OIT3: variants seen among roughly 807,000 people sequenced by gnomAD.
The protein encoded by OIT3 is oncoprotein-induced transcript 3 protein.
Under a neutral mutation model 52.2 loss-of-function variants are expected in OIT3, and 41 were observed. The ratio of observed to expected loss-of-function variants is 0.79; its 90% confidence interval spans 0.61 to 1.02. The LOEUF (loss-of-function observed/expected upper bound fraction) is 1.02, where lower values mean the gene tolerates loss of function less well. Ranked by LOEUF, OIT3 falls within the 50% of genes least tolerant of loss-of-function variation. The pLI, the probability that OIT3 is intolerant of heterozygous loss-of-function variation, is 0.00. For missense variants in OIT3, 634 were observed against 715.5 expected, an observed-to-expected ratio of 0.89 and a Z score of 1.30; for synonymous variants, 244 against 276.9, an observed-to-expected ratio of 0.88 and a Z score of 1.18.
At chr10:72,911,928 AG>A in intron 5 of OIT3, 89 bp downstream of exon 5, 1 of 1,235,304 alleles carries the variant, frequency 8.1e-7, no homozygotes, top group Non-Finnish European at 1.1e-6. Context: ...CAAGTGTGTC[AG>A]GGTTCTCATC....
chr10:72,898,540 C>A, intron 1 of OIT3, 124 bp from the exon 2 acceptor site: 3 of 878,666 alleles, frequency 3.4e-6, no homozygotes, highest in South Asian at 3.5e-5. Flanking sequence ...TTTTTTGTGA[C>A]CTTAACTAAT....
intron 3 of OIT3, among the ~76,000 whole-genome samples, chr10:72,904,944 T>A (rs979778718): frequency 6.6e-5 from 10 of 152,150 alleles, no homozygotes; most frequent in African/African-American, 2.4e-4. Context: ...CTCAGGCTGC[T>A]CCCACTCATG....
chr10:72,922,720 C>G (rs1194947556), intron 6 of OIT3, among the ~76,000 whole-genome samples: 1 of 152,128 alleles, frequency 6.6e-6, no homozygotes, highest in East Asian at 1.9e-4. Context: ...ATTCCAAACC[C>G]TTGCTGGAGT....
chr10:72,931,359 C>G (rs917396434), intron 8 of OIT3, among the ~76,000 whole-genome samples: 1 of 152,118 alleles, frequency 6.6e-6, no homozygotes, highest in Non-Finnish European at 1.5e-5. Context: ...GGCATAGTGG[C>G]ACACACCTGT....
intron 1 of OIT3, among the ~76,000 whole-genome samples, chr10:72,896,535 C>G (rs1167820468): frequency 6.6e-6 from 1 of 152,196 alleles, no homozygotes; most frequent in Non-Finnish European, 1.5e-5. Context: ...AATGCAATAT[C>G]CCACTTATTT....
At chr10:72,913,818 T>C in intron 6 of OIT3, 1 of 375,260 alleles carries the variant, frequency 2.7e-6, no homozygotes, top group Non-Finnish European at 5.3e-6. Flanking sequence ...TGGTGGTTCA[T>C]TTGTGGTGCA....
intron 7 of OIT3, among the ~76,000 whole-genome samples, chr10:72,926,694 G>A (rs1347107228): frequency 6.6e-6 from 1 of 152,150 alleles, no homozygotes; most frequent in Admixed American, 6.5e-5. Context: ...CCGTAGCAAA[G>A]GGCATCTGCA....
Position 72,913,347 on chromosome 10 carries a change from T to A in OIT3, c.830T>A (p.Ile277Asn). 1.2e-6 allele frequency: 2 copies of A among 1,613,292 alleles called. No individual in the cohort carries two copies. The highest frequency in any genetic ancestry group is 1.7e-6 in the Non-Finnish European group (2 of 1,179,350). Residue 277 changes from isoleucine to asparagine, a missense_variant, in exon 6 of 9, where the codon ATC (isoleucine) becomes AAC (asparagine). Transcript: ENST00000334011. ...AAATCAAATGCCATTGAAGTGAACA[T>A]CCCCAGGGAGCTGGTTGGTGGCCTG... ...LCKSNAIEVN[I>N]PRELVGGLEL...
intron 6 of OIT3, 138 bp downstream of exon 6, chr10:72,913,606 G>A (rs935634667): frequency 5.7e-5 from 44 of 766,642 alleles, no homozygotes; most frequent in African/African-American, 8.5e-5. Context: ...AACATCTTAC[G>A]TCATTCTTTT....
intron 3 of OIT3, among the ~76,000 whole-genome samples, chr10:72,900,843 A>G (rs985039479): frequency 2.0e-5 from 3 of 152,068 alleles, no homozygotes; most frequent in African/African-American, 7.2e-5. Flanking sequence ...TGAGGCTGAC[A>G]GATGGCTTGA....
intron 6 of OIT3, among the ~76,000 whole-genome samples, chr10:72,920,709 G>C (rs866775930): frequency 1.3e-5 from 2 of 152,112 alleles, no homozygotes; most frequent in Non-Finnish European, 2.9e-5. Context: ...TCAGAAGCAG[G>C]TTATTACATT....
intron 4 of OIT3, among the ~76,000 whole-genome samples, chr10:72,911,082 T>C (rs550992829): frequency 7.9e-5 from 12 of 152,208 alleles, no homozygotes; most frequent in African/African-American, 2.4e-4. Context: ...AGTTTGCTTT[T>C]TGAATATGTA....
chr10:72,922,664 T>G (rs1846131545), intron 6 of OIT3, among the ~76,000 whole-genome samples: 1 of 152,178 alleles, frequency 6.6e-6, no homozygotes, highest in Non-Finnish European at 1.5e-5. Context: ...TTTATCCACA[T>G]TCTGAGATCT....
intron 2 of OIT3, 93 bp from the exon 3 acceptor site, chr10:72,900,283 CA>C: frequency 1.4e-6 from 1 of 703,350 alleles, no homozygotes; most frequent in Non-Finnish European, 2.5e-6. Context: ...ATAGGGATAC[CA>C]CCCCCCCCGA....
At position 72,898,749 on chromosome 10, in the gene OIT3, T is replaced by G; in HGVS notation, c.147T>G (p.Pro49=). 6.2e-7 allele frequency: 1 copy of G among 1,614,070 alleles called. No individual in the cohort carries two copies. Reference sequence around the variant, plus strand: ...AGTTGGATGAGTCTCAAGGTCCTCCTCTATGTGACAACCATGTGAATGGGG... The same window carrying G: ...AGTTGGATGAGTCTCAAGGTCCTCCGCTATGTGACAACCATGTGAATGGGG... ...DHQLDESQGP[P]LCDNHVNGEW... is the part of the protein sequence containing the mutation. The change falls in exon 2 of 9, where the codon CCT becomes CCG. Residue 49 remains proline (P), a synonymous_variant. Transcript: ENST00000334011.
chr10:72,912,228 C>T (rs913047906), intron 5 of OIT3, among the ~76,000 whole-genome samples: 1 of 151,050 alleles, frequency 6.6e-6, no homozygotes, highest in Non-Finnish European at 1.5e-5. Context: ...TGAGGGTTAA[C>T]AATCCTCTGA....
chr10:72,911,500 C>T (rs1053025822), intron 4 of OIT3, among the ~76,000 whole-genome samples: 2 of 152,150 alleles, frequency 1.3e-5, no homozygotes, highest in African/African-American at 4.8e-5. Flanking sequence ...AAATTCCTCA[C>T]CAGCTTAATT....
intron 7 of OIT3, among the ~76,000 whole-genome samples, chr10:72,927,904 T>TA (rs1239241970): frequency 2.0e-5 from 3 of 152,170 alleles, no homozygotes; most frequent in Non-Finnish European, 2.9e-5. Context: ...CCATTTGAAC[T>TA]AAAAAATCCT....
At chr10:72,921,690 T>G (rs909517082) in intron 6 of OIT3, among the ~76,000 whole-genome samples, 1 of 151,422 alleles carries the variant, frequency 6.6e-6, no homozygotes, top group African/African-American at 2.4e-5. Context: ...TTTTTTTTTT[T>G]TTAAGACAGT....
Sources: allele counts gnomAD v4.1 joint callset (sites outside exome capture counted in the v4.1 genomes callset), GRCh38; gene constraint gnomAD v4.1.1; transcripts MANE v1.5; gene names NCBI Gene and HGNC (gene_info 2026-07-23, HGNC 2026-07-21).